The following GALNT10 variants were observed in gnomAD, a reference collection of about 807,000 sequenced individuals.
GALNT10 encodes the protein polypeptide N-acetylgalactosaminyltransferase 10, also known as GalNAc transferase 10.
GALNT10 carries 41 observed loss-of-function variants against 75.0 expected under a neutral mutation model. That is an observed-to-expected ratio of 0.55 (90% CI 0.43 to 0.71). The LOEUF (loss-of-function observed/expected upper bound fraction) is 0.71, where lower values mean the gene tolerates loss of function less well. GALNT10 is among the 30% of genes least tolerant of loss of function. GALNT10 has a pLI of 0.00. For synonymous variants in GALNT10, 302 were observed against 313.0 expected, an observed-to-expected ratio of 0.96 and a Z score of 0.37; for missense variants, 727 against 818.5, an observed-to-expected ratio of 0.89 and a Z score of 1.36.
chr5:154,191,477 C>T (rs1774859854), intron 1 of GALNT10, among the ~76,000 whole-genome samples: 1 of 120,836 alleles, frequency 8.3e-6, no homozygotes, highest in African/African-American at 3.0e-5. Flanking sequence ...TCCCAGTGTT[C>T]TTTGCTCAGG....
rs1031799332 is a variant in GALNT10, at chr5:154,420,834, T to C, written c.*3862T>C. On this transcript the variant is annotated 3_prime_UTR_variant, in exon 12 of 12. Transcript: ENST00000297107. ...CCAAAGGGGTTGGAGGCAGGGAATA[T>C]TTGAAAATTCAGACTGGAATTCCAG... The C allele has an allele frequency of 6.6e-6, 1 of 152,206 alleles. No individual in the cohort carries two copies. Among genetic ancestry groups the C allele is most frequent in the Non-Finnish European group, 1.5e-5 (1 of 68,040 alleles). The allele number at this position is 152,206 out of a possible 1,614,324, so 9.4% of individuals were successfully genotyped here.
At chr5:154,369,313 A>G (rs1217523751) in intron 4 of GALNT10, among the ~76,000 whole-genome samples, 1 of 152,150 alleles carries the variant, frequency 6.6e-6, no homozygotes, top group Non-Finnish European at 1.5e-5. Context: ...ACTTGAACCC[A>G]GGAAGCGGAG....
chr5:154,285,076 A>G (rs1269491895), intron 1 of GALNT10, among the ~76,000 whole-genome samples: 1 of 152,200 alleles, frequency 6.6e-6, no homozygotes, highest in Non-Finnish European at 1.5e-5. Flanking sequence ...GCAGTTTTAA[A>G]TCCAGCTTGA....
At position 154,376,515 on chromosome 5, in the gene GALNT10, A is replaced by G; in HGVS notation, c.754+53A>G. On this transcript the variant is annotated intron_variant, in intron 5 of 11. Coordinates refer to ENST00000297107, the MANE Select transcript of GALNT10 (RefSeq NM_198321.4). The surrounding 1 kb of genome is among the most constrained non-coding windows in gnomAD (Gnocchi z 4.1). ...AGGCAAACTGCAATGAGCCAGTGCC[A>G]GTGGCCCCCTCCTGCTGCAGGGAGC... The G allele has an allele frequency of 7.4e-7, 1 of 1,344,364 alleles. No individual in the cohort carries two copies. The highest frequency in any genetic ancestry group is 1.0e-6 in the Non-Finnish European group (1 of 980,028). The allele number at this position is 1,344,364 out of a possible 1,614,324, so 83.3% of individuals were successfully genotyped here.
intron 8 of GALNT10, among the ~76,000 whole-genome samples, chr5:154,405,012 A>G (rs921289853): frequency 2.6e-5 from 4 of 152,230 alleles, no homozygotes; most frequent in African/African-American, 9.6e-5. Context: ...TGACCACAAA[A>G]GAAAAATGAA....
chr5:154,326,837 C>T (rs1483097918), intron 3 of GALNT10, among the ~76,000 whole-genome samples: 1 of 152,086 alleles, frequency 6.6e-6, no homozygotes, highest in African/African-American at 2.4e-5. Context: ...ATTTGCACAA[C>T]TCTGTGAATA....
At chr5:154,219,802 ACT>A (rs1752943669) in intron 1 of GALNT10, 1 of 134,146 alleles carries the variant, frequency 7.5e-6, no homozygotes, top group Non-Finnish European at 1.6e-5. Flanking sequence ...GATCTCAAAC[ACT>A]CTCTCGCGCT....
At chr5:154,247,168 T>G (rs1447977450) in intron 1 of GALNT10, among the ~76,000 whole-genome samples, 1 of 152,218 alleles carries the variant, frequency 6.6e-6, no homozygotes, top group Admixed American at 6.5e-5. Flanking sequence ...CATTGGTCTA[T>G]ATCTCTGTTT....
intron 1 of GALNT10, among the ~76,000 whole-genome samples, chr5:154,206,801 T>G (rs1561628392): frequency 6.6e-6 from 1 of 152,240 alleles, no homozygotes; most frequent in Non-Finnish European, 1.5e-5. Context: ...CCAGGGAGGC[T>G]GGCCTGCAGG....
At chr5:154,259,248 A>T (rs1753662263) in intron 1 of GALNT10, among the ~76,000 whole-genome samples, 1 of 152,124 alleles carries the variant, frequency 6.6e-6, no homozygotes, top group Non-Finnish European at 1.5e-5. Context: ...AACAGTAGCC[A>T]ATTATTTTGC....
intron 1 of GALNT10, among the ~76,000 whole-genome samples, chr5:154,284,037 G>A (rs1754079954): frequency 6.6e-6 from 1 of 152,104 alleles, no homozygotes; most frequent in South Asian, 2.1e-4. Flanking sequence ...AGGAAGGAAT[G>A]GGACATAAAT....
intron 4 of GALNT10, among the ~76,000 whole-genome samples, chr5:154,373,584 G>C (rs1001420708): frequency 6.6e-6 from 1 of 152,116 alleles, no homozygotes; most frequent in African/African-American, 2.4e-5. Flanking sequence ...AGGGAGCTTC[G>C]CATGCAAGCA....
intron 10 of GALNT10, among the ~76,000 whole-genome samples, chr5:154,414,089 A>G (rs1756455340): frequency 6.6e-6 from 1 of 152,242 alleles, no homozygotes; most frequent in South Asian, 2.1e-4. Flanking sequence ...ATTACAAGGA[A>G]ATTCCAGCAC....
intron 1 of GALNT10, among the ~76,000 whole-genome samples, chr5:154,210,340 G>T (rs1363517752): frequency 6.6e-6 from 1 of 151,938 alleles, no homozygotes; most frequent in South Asian, 2.1e-4. Context: ...GCACACAAGT[G>T]CATGCACACA....
At chr5:154,245,355 C>G (rs916522778) in intron 1 of GALNT10, among the ~76,000 whole-genome samples, 8 of 152,162 alleles carry the variant, frequency 5.3e-5, no homozygotes, top group African/African-American at 1.9e-4. Flanking sequence ...GAGCACTTAG[C>G]TATGTGCCCT....
intron 1 of GALNT10, among the ~76,000 whole-genome samples, chr5:154,201,144 G>A (rs1180584444): frequency 6.6e-6 from 1 of 152,102 alleles, no homozygotes; most frequent in African/African-American, 2.4e-5. Context: ...TCAAACCTGG[G>A]CACTTCACCC....
chr5:154,411,270 A>G (rs1756391717), intron 9 of GALNT10, among the ~76,000 whole-genome samples: 1 of 152,170 alleles, frequency 6.6e-6, no homozygotes, highest in Non-Finnish European at 1.5e-5. Context: ...TGCTGAACTC[A>G]TGTTCCTTTT....
At chr5:154,193,674 T>G (rs1774895237) in intron 1 of GALNT10, among the ~76,000 whole-genome samples, 1 of 152,184 alleles carries the variant, frequency 6.6e-6, no homozygotes, top group Non-Finnish European at 1.5e-5. Context: ...AAATGAAAAA[T>G]GTGTTCCATA....
chr5:154,191,050 C>T (rs1774851638), intron 1 of GALNT10, 25 bp downstream of exon 1: 2 of 1,377,936 alleles, frequency 1.5e-6, no homozygotes, highest in Middle Eastern at 1.9e-4. Context: ...TGCTACAGGC[C>T]GGGAACACCC....
Sources: gnomAD v4.1 joint callset for allele counts (sites outside exome capture counted in the v4.1 genomes callset) on GRCh38, gnomAD v4.1.1 for gene constraint, Gnocchi (gnomAD v3.1) non-coding constraint, MANE v1.5 for transcripts, NCBI Gene and HGNC (gene_info 2026-07-23, HGNC 2026-07-21) for gene names.